SYMPK: variants seen among roughly 807,000 people sequenced by gnomAD.
SYMPK encodes symplekin.
SYMPK carries 49 observed loss-of-function variants against 136.4 expected under a neutral mutation model. The observed-to-expected ratio is 0.36, with a 90% confidence interval of 0.29 to 0.46. The LOEUF is 0.46. Ranked by LOEUF, SYMPK falls within the 20% of genes least tolerant of loss-of-function variation. SYMPK has a pLI of 1.00. For synonymous variants in SYMPK, 766 were observed against 713.0 expected, an observed-to-expected ratio of 1.07 and a Z score of -1.19; for missense variants, 1,365 against 1,690.0, an observed-to-expected ratio of 0.81 and a Z score of 3.37.
At chr19:45,849,627 G>A (rs1971649542) in intron 5 of SYMPK, among the ~76,000 whole-genome samples, 1 of 152,186 alleles carries the variant, frequency 6.6e-6, no homozygotes, top group African/African-American at 2.4e-5. Context: ...TGCCTGGTAC[G>A]ACAGCAGTCA....
chr19:45,853,295 T>C (rs990649898), intron 3 of SYMPK, among the ~76,000 whole-genome samples: 1 of 152,216 alleles, frequency 6.6e-6, no homozygotes. Flanking sequence ...AAGTGTCCCA[T>C]GTCGTCTTCT....
intron 11 of SYMPK, among the ~76,000 whole-genome samples, chr19:45,832,178 ATCACCAAG>A (rs1971195302): frequency 6.6e-6 from 1 of 151,668 alleles, no homozygotes; most frequent in African/African-American, 2.4e-5. Context: ...GTCTCACTCC[ATCACCAAG>A]GCTGGAGTGC....
At chr19:45,840,139 C>A (rs1971400106) in intron 9 of SYMPK, among the ~76,000 whole-genome samples, 1 of 151,192 alleles carries the variant, frequency 6.6e-6, no homozygotes, top group African/African-American at 2.4e-5. Context: ...ATGGTGAAAC[C>A]CTGGCTCTAC....
intron 11 of SYMPK, among the ~76,000 whole-genome samples, chr19:45,832,305 C>A (rs1005152406): frequency 2.6e-5 from 4 of 152,082 alleles, no homozygotes; most frequent in African/African-American, 9.7e-5. Flanking sequence ...CCACACCCAG[C>A]TAATTTTTTT....
chr19:45,843,740 A>C (rs1971497267), intron 8 of SYMPK, among the ~76,000 whole-genome samples: 1 of 151,960 alleles, frequency 6.6e-6, no homozygotes, highest in Non-Finnish European at 1.5e-5. Flanking sequence ...AGGTCAAGAG[A>C]TAGAGATCAT....
At chr19:45,826,194 G>A (rs578003445) in intron 17 of SYMPK, 32 bp downstream of exon 17, 11 of 1,595,818 alleles carry the variant, frequency 6.9e-6, no homozygotes, top group Non-Finnish European at 9.4e-6. Flanking sequence ...ACACAGCAGC[G>A]CTCAGTATGC....
Position 45,822,787 on chromosome 19 carries a change from T to G in SYMPK, c.2760A>C (p.Glu920Asp). The change falls in exon 21 of 27, where the codon GAA (glutamate) becomes GAC (aspartate). Residue 920 changes from glutamate to aspartate, a missense_variant. Glu to Asp is a conservative substitution (Grantham distance 45, BLOSUM62 2). Transcript: ENST00000245934. ...LIKLNPIVVK[E>D]VFNRLLGTQH... Reference sequence around the variant, plus strand: ...GGGTGCCCAGCAGGCGGTTGAAGACTTCCTTCACCACGATGGGGTTGAGTT... The same window carrying G: ...GGGTGCCCAGCAGGCGGTTGAAGACGTCCTTCACCACGATGGGGTTGAGTT... 6.2e-7 allele frequency: 1 copy of G among 1,614,122 alleles called. No individual in the cohort carries two copies. Among genetic ancestry groups the G allele is most frequent in the Non-Finnish European group, 8.5e-7 (1 of 1,179,980 alleles).
In SYMPK at chr19:45,816,028, G is replaced by A. The variant is rs1301614742; in HGVS notation, c.3510C>T (p.Ser1170=). ...KPGGVGAPSS[S]SPSPSPSARP... is the part of the protein sequence containing the mutation. The stretch of plus-strand genomic sequence containing the variant: ...GGGCCGACGGAGAGGGAGAGGGGGA[G>A]GAAGAGGAGGGGGCTCCCACTCCTC... Residue 1170 remains serine (S), a synonymous_variant, in exon 26 of 27, where the codon TCC becomes TCT. Coordinates refer to ENST00000245934, the MANE Select transcript of SYMPK (RefSeq NM_004819.3). The A allele has an allele frequency of 1.3e-6, 2 of 1,586,222 alleles. No individual in the cohort carries two copies. Among genetic ancestry groups the A allele is most frequent in the Non-Finnish European group, 1.7e-6 (2 of 1,166,124 alleles).
At chr19:45,832,596 A>C (rs1971207189) in intron 11 of SYMPK, among the ~76,000 whole-genome samples, 1 of 152,218 alleles carries the variant, frequency 6.6e-6, no homozygotes, top group South Asian at 2.1e-4. Context: ...ACTGGAAAGA[A>C]GCCACAGGTC....
intron 14 of SYMPK, 76 bp downstream of exon 14, chr19:45,828,894 C>T (rs756470084): frequency 1.1e-4 from 162 of 1,430,714 alleles, no homozygotes; most frequent in African/African-American, 7.2e-4. Flanking sequence ...GGGAGGTGGT[C>T]GCAATCAGAA....
intron 12 of SYMPK, 79 bp downstream of exon 12, chr19:45,831,305 A>C: frequency 8.2e-7 from 1 of 1,216,230 alleles, no homozygotes; most frequent in Non-Finnish European, 1.1e-6. Flanking sequence ...GCACACGCAC[A>C]CGCACACGCA....
intron 6 of SYMPK, 118 bp from the exon 7 acceptor site, chr19:45,848,119 G>A: frequency 7.8e-7 from 1 of 1,289,978 alleles, no homozygotes. Flanking sequence ...CATTCATTTG[G>A]TTAACAGTTA....
At chr19:45,820,947 TG>T in intron 22 of SYMPK, 1 of 580,894 alleles carries the variant, frequency 1.7e-6, no homozygotes, top group Non-Finnish European at 3.0e-6. Flanking sequence ...TCACCAACCC[TG>T]CCGCCCTGCA....
chr19:45,855,219 CA>C (rs1474164592), intron 1 of SYMPK: 1 of 152,342 alleles, frequency 6.6e-6, no homozygotes, highest in Non-Finnish European at 1.5e-5. Context: ...GAATATCAGG[CA>C]CAGAGTCCGG....
At chr19:45,822,939 C>G in intron 20 of SYMPK, 93 bp from the exon 21 acceptor site, 1 of 1,089,314 alleles carries the variant, frequency 9.2e-7, no homozygotes, top group Non-Finnish European at 1.4e-6. Context: ...CCCTGGGGAG[C>G]TGAGGGCAAG....
At position 45,821,589 on chromosome 19, in the gene SYMPK, T is replaced by A; in HGVS notation, c.2792-104A>T. 1 of 733,748 alleles carries A rather than the reference T, an allele frequency of 1.4e-6. No homozygotes were observed. The highest frequency in any genetic ancestry group is 2.3e-6 in the Non-Finnish European group (1 of 429,478). The allele number at this position is 733,748 out of a possible 1,614,324, so 45.5% of individuals were successfully genotyped here. On this transcript the variant is annotated intron_variant, in intron 21 of 26. Transcript: ENST00000245934. This position sits in a 1 kb window ranked among gnomAD's most constrained non-coding sequence, Gnocchi z 4.4. ...GGGGGAGCTGCGAGCAAAGATGAGG[T>A]GCCCTCTGCTTTCAGGGCTGGAACA...
chr19:45,826,520 C>T, intron 16 of SYMPK, 147 bp from the exon 17 acceptor site: 4 of 836,374 alleles, frequency 4.8e-6, no homozygotes, highest in Non-Finnish European at 7.5e-6. Context: ...GGGCTGGTCC[C>T]CAGTGCAGGA....
intron 22 of SYMPK, among the ~76,000 whole-genome samples, chr19:45,818,688 AGGG>A (rs1387765410): frequency 6.6e-6 from 1 of 152,152 alleles, no homozygotes; most frequent in Non-Finnish European, 1.5e-5. Flanking sequence ...TAGCGAAGGG[AGGG>A]ACAAGAGAAG....
In SYMPK at chr19:45,823,849, CG is replaced by C. The variant is rs750200472; in HGVS notation, c.2516del (p.Pro839ArgfsTer36). ...QPIRGMGMNS[P>X]ELLLLVENCP... ...AATTTTCCACCAGCAGGAGCAGCTC[CG>C]GGGAGTTCATGCCCATTCCTCGGAT... On this transcript the variant is annotated frameshift_variant, in exon 19 of 27. Transcript: ENST00000245934. LOFTEE classifies it high-confidence loss of function. 6.2e-7 allele frequency: 1 copy of C among 1,614,038 alleles called. No homozygotes were observed. Among genetic ancestry groups the C allele is most frequent in the Non-Finnish European group, 8.5e-7 (1 of 1,179,998 alleles).
Sources: allele counts gnomAD v4.1 joint callset (sites outside exome capture counted in the v4.1 genomes callset), GRCh38; gene constraint gnomAD v4.1.1; non-coding constraint Gnocchi (gnomAD v3.1); transcripts MANE v1.5; gene names NCBI Gene and HGNC (gene_info 2026-07-23, HGNC 2026-07-21).